Variants in SLIT3 observed in about 807,000 individuals in gnomAD.
The protein encoded by SLIT3 is slit guidance ligand 3.
Under a neutral mutation model 184.0 loss-of-function variants are expected in SLIT3, and 68 were observed. The observed-to-expected ratio is 0.37, with a 90% CI of 0.30 to 0.45. The LOEUF (loss-of-function observed/expected upper bound fraction) is 0.45, where lower values mean the gene tolerates loss of function less well. Among genes scored for constraint, SLIT3 ranks in the 20% least tolerant of loss-of-function variants. The pLI is 1.00. For synonymous variants in SLIT3, 831 were observed against 828.6 expected (o/e 1.00, Z -0.05); for missense variants, 1,707 against 2,026.0 (o/e 0.84, Z 3.02).
chr5:169,205,636 C>T (rs1286980607), intron 3 of SLIT3, among the ~76,000 whole-genome samples: 1 of 152,176 alleles, frequency 6.6e-6, no homozygotes, highest in Non-Finnish European at 1.5e-5. Flanking sequence ...GAGTGAATAT[C>T]TACTCCACTT....
intron 20 of SLIT3, among the ~76,000 whole-genome samples, chr5:168,732,735 T>C (rs780021609): frequency 4.6e-5 from 7 of 152,116 alleles, no homozygotes; most frequent in Non-Finnish European, 8.8e-5. Flanking sequence ...CCCTATTCAA[T>C]AAATGGTGCT....
At chr5:169,145,431 G>A (rs1485915890) in intron 4 of SLIT3, among the ~76,000 whole-genome samples, 3 of 152,176 alleles carry the variant, frequency 2.0e-5, no homozygotes, top group Non-Finnish European at 4.4e-5. Flanking sequence ...GCCCAAAGCT[G>A]CAGGCAAAGC....
chr5:168,743,240 T>A (rs899716351), intron 20 of SLIT3, among the ~76,000 whole-genome samples: 1 of 152,144 alleles, frequency 6.6e-6, no homozygotes, highest in Non-Finnish European at 1.5e-5. Flanking sequence ...TTGTAGATAT[T>A]GCGTTTTTTA....
chr5:169,018,993 G>C (rs541883357), intron 4 of SLIT3, among the ~76,000 whole-genome samples: 1 of 152,154 alleles, frequency 6.6e-6, no homozygotes, highest in African/African-American at 2.4e-5. Context: ...AACTAGTCAC[G>C]CCCCGAGTCT....
At chr5:169,081,641 A>G (rs1759062850) in intron 4 of SLIT3, among the ~76,000 whole-genome samples, 1 of 152,130 alleles carries the variant, frequency 6.6e-6, no homozygotes, top group South Asian at 2.1e-4. Context: ...CCTCCAGAAG[A>G]TCTTCCATTG....
chr5:168,941,904 C>T (rs1279174141), intron 4 of SLIT3, among the ~76,000 whole-genome samples: 3 of 152,170 alleles, frequency 2.0e-5, no homozygotes, highest in Admixed American at 6.5e-5. Context: ...GCTTTGGACC[C>T]GTCTGTAACA....
intron 4 of SLIT3, among the ~76,000 whole-genome samples, chr5:168,923,641 C>T (rs77671094): frequency 6.6e-6 from 1 of 152,056 alleles, no homozygotes; most frequent in South Asian, 2.1e-4. Flanking sequence ...CTCGGCCTCT[C>T]AGTTAGCTGG....
chr5:169,103,435 G>A (rs892172502), intron 4 of SLIT3, among the ~76,000 whole-genome samples: 2 of 152,172 alleles, frequency 1.3e-5, no homozygotes, highest in African/African-American at 2.4e-5. Context: ...AAACTAAGAC[G>A]AGGATATGCT....
intron 32 of SLIT3, among the ~76,000 whole-genome samples, chr5:168,682,551 T>C (rs966302994): frequency 1.3e-5 from 2 of 152,228 alleles, no homozygotes; most frequent in Non-Finnish European, 2.9e-5. Flanking sequence ...GACCACGCTT[T>C]GAGAACCACT....
chr5:169,117,014 G>A (rs890078960), intron 4 of SLIT3, among the ~76,000 whole-genome samples: 3 of 152,116 alleles, frequency 2.0e-5, no homozygotes, highest in Non-Finnish European at 4.4e-5. Flanking sequence ...TATCCAGCAG[G>A]GGGCAGGGAG....
chr5:169,077,926 C>T (rs938571316), intron 4 of SLIT3, among the ~76,000 whole-genome samples: 17 of 151,618 alleles, frequency 1.1e-4, no homozygotes, highest in Non-Finnish European at 1.3e-4. Flanking sequence ...TTTTTTAAGG[C>T]TGTGTCTCTA....
chr5:168,749,756 G>T, intron 18 of SLIT3, 121 bp from the exon 19 acceptor site: 1 of 990,812 alleles, frequency 1.0e-6, no homozygotes, highest in Non-Finnish European at 1.5e-6. Flanking sequence ...GGAAACGTAG[G>T]CTCTTCCCCA....
rs1761005581 is a variant in SLIT3 at position 168,665,528 on chromosome 5, A to C, written c.*926T>G. 6.6e-6 allele frequency: 1 copy of C among 152,230 alleles called. No homozygotes were observed. The highest frequency in any genetic ancestry group is 2.4e-5 in the African/African-American group (1 of 41,450). The allele number at this position is 152,230 out of a possible 1,614,324, so 9.4% of individuals were successfully genotyped here. On this transcript the variant is annotated 3_prime_UTR_variant, in exon 36 of 36. Coordinates refer to ENST00000519560, the MANE Select transcript of SLIT3 (RefSeq NM_003062.4). ...GCATGGGTCCTGAGGAGACACCATG[A>C]TATTCTCTTCCCTCGCCTCCTCTAG...
intron 3 of SLIT3, among the ~76,000 whole-genome samples, chr5:169,236,576 T>C (rs1765209731): frequency 6.6e-6 from 1 of 152,002 alleles, no homozygotes; most frequent in African/African-American, 2.4e-5. Flanking sequence ...GTTCAAGTGA[T>C]TCTCCTGTCT....
chr5:168,710,061 A>T (rs551952336), intron 25 of SLIT3: 1 of 152,326 alleles, frequency 6.6e-6, no homozygotes, highest in African/African-American at 2.4e-5. Context: ...ACAGAGAAAG[A>T]TCTTTATGTG....
chr5:169,295,967 A>G (rs1767490480), intron 1 of SLIT3, among the ~76,000 whole-genome samples: 7 of 152,240 alleles, frequency 4.6e-5, no homozygotes, highest in Admixed American at 4.6e-4. Flanking sequence ...GGGCATGTGC[A>G]CAGTAGGAGT....
At chr5:168,732,800 C>T (rs1337875562) in intron 20 of SLIT3, among the ~76,000 whole-genome samples, 1 of 151,984 alleles carries the variant, frequency 6.6e-6, no homozygotes, top group African/African-American at 2.4e-5. Flanking sequence ...TACTTTTCAC[C>T]ATATACAAAA....
In SLIT3 at chr5:169,094,303, G is replaced by A. The variant is rs559669102; in HGVS notation, c.413+99176C>T. Among the ~76,000 whole-genome samples, 5 of 152,320 alleles carry A rather than the reference G, an allele frequency of 3.3e-5. No individual in the cohort carries two copies. In the East Asian group the frequency reaches 7.7e-4, roughly 24 times the overall value. Reference sequence around the variant, plus strand: ...AGGTCACGGTGCTAATAATGACTTTGAGCCAGAATTCCAACCCAAATTGTT... The same window carrying A: ...AGGTCACGGTGCTAATAATGACTTTAAGCCAGAATTCCAACCCAAATTGTT... On this transcript the variant is annotated intron_variant, in intron 4 of 35. Transcript: ENST00000519560.
Position 168,719,275 on chromosome 5 carries a change from C to A in SLIT3, c.2483+2981G>T, listed in dbSNP as rs145608042. On this transcript the variant is annotated intron_variant, in intron 23 of 35. Transcript: ENST00000519560. The stretch of plus-strand genomic sequence containing the variant: ...CCATATTGGTCAGGCTGGTCTTGAA[C>A]TCCTGACTTCAGGTGATCCACCCGT... 3.9e-3 allele frequency among the ~76,000 whole-genome samples: 594 copies of A among 152,342 alleles called. 4 individuals are homozygous for A. Among genetic ancestry groups the A allele is most frequent in the African/African-American group, 0.013 (551 of 41,574 alleles).
Sources: allele counts gnomAD v4.1 joint callset (sites outside exome capture counted in the v4.1 genomes callset), GRCh38; gene constraint gnomAD v4.1.1; transcripts MANE v1.5; gene names NCBI Gene and HGNC (gene_info 2026-07-23, HGNC 2026-07-21).